The following NRXN1 variants were observed in gnomAD, a reference collection of about 807,000 sequenced individuals.
The protein encoded by NRXN1 is neurexin-1.
Under a neutral mutation model 150.9 loss-of-function variants are expected in NRXN1, and 39 were observed. That is an observed-to-expected ratio of 0.26 (90% CI 0.20 to 0.34). NRXN1 has a LOEUF of 0.34. Among genes scored for constraint, NRXN1 ranks in the 10% least tolerant of loss-of-function variants. The pLI is 1.00. For missense variants in NRXN1, 1,815 were observed against 1,949.9 expected, an observed-to-expected ratio of 0.93 and a Z score of 1.30; for synonymous variants, 924 against 757.0, an observed-to-expected ratio of 1.22 and a Z score of -3.62.
chr2:50,116,604 CTGAACATATACAGATG>C (rs1175826213), intron 18 of NRXN1, among the ~76,000 whole-genome samples: 1 of 152,024 alleles, frequency 6.6e-6, no homozygotes, highest in Admixed American at 6.6e-5. Flanking sequence ...ACAGGAAGAT[CTGAACATATACAGATG>C]TGGGGGTTCC....
intron 17 of NRXN1, among the ~76,000 whole-genome samples, chr2:50,375,589 A>G (rs1406381313): frequency 6.6e-6 from 1 of 150,450 alleles, no homozygotes; most frequent in Admixed American, 6.6e-5. Flanking sequence ...AGGAAACAGA[A>G]TAATCTTTTA....
chr2:50,829,403 C>G lies in NRXN1; in HGVS notation c.832+92466G>C, dbSNP rs1671064170. The G allele has an allele frequency of 4.6e-6, 6 of 1,309,498 alleles. No individual in the cohort carries two copies. In the East Asian group the frequency reaches 1.2e-4, roughly 26 times the overall value. The allele number at this position is 1,309,498 out of a possible 1,614,324, so 81.1% of individuals were successfully genotyped here. On this transcript the variant is annotated intron_variant, in intron 5 of 22. Transcript: ENST00000401669. ...TCGGGCTCCCAAAGTGCGGGGATTA[C>G]AGGCATGAGCCACTGTGCCCGGCTA...
chr2:50,005,858 A>G (rs780516683), intron 21 of NRXN1, among the ~76,000 whole-genome samples: 2 of 152,098 alleles, frequency 1.3e-5, no homozygotes, highest in Non-Finnish European at 2.9e-5. Context: ...TCTCCATCTG[A>G]CGATAACTTA....
At chr2:50,964,910 A>G (rs573648061) in intron 2 of NRXN1, among the ~76,000 whole-genome samples, 1 of 151,612 alleles carries the variant, frequency 6.6e-6, no homozygotes, top group Non-Finnish European at 1.5e-5. Flanking sequence ...AGTAGGCAAC[A>G]TACTCTGGAA....
intron 17 of NRXN1, among the ~76,000 whole-genome samples, chr2:50,265,640 G>C (rs951566682): frequency 1.3e-5 from 2 of 152,060 alleles, no homozygotes; most frequent in Non-Finnish European, 2.9e-5. Flanking sequence ...GAAACCAAAA[G>C]CAAGACATAG....
At chr2:50,597,134 C>T (rs1323310859) in intron 8 of NRXN1, among the ~76,000 whole-genome samples, 2 of 152,056 alleles carry the variant, frequency 1.3e-5, no homozygotes, top group African/African-American at 2.4e-5. Context: ...AACGAGTCAC[C>T]GTGCCCGGTG....
chr2:50,272,188 T>C (rs1389387744), intron 17 of NRXN1, among the ~76,000 whole-genome samples: 1 of 152,142 alleles, frequency 6.6e-6, no homozygotes, highest in Non-Finnish European at 1.5e-5. Flanking sequence ...GGAGAAAACG[T>C]AGAAAACAAG....
chr2:50,998,602 G>T (rs149430131), intron 2 of NRXN1, among the ~76,000 whole-genome samples: 1 of 152,122 alleles, frequency 6.6e-6, no homozygotes, highest in African/African-American at 2.4e-5. Context: ...TTTCATGAAG[G>T]TATGCATGTA....
chr2:50,483,921 C>G (rs780783871), intron 15 of NRXN1, among the ~76,000 whole-genome samples: 1 of 152,160 alleles, frequency 6.6e-6, no homozygotes, highest in Non-Finnish European at 1.5e-5. Flanking sequence ...CCCAAAATAA[C>G]TTTTCTTATT....
chr2:50,538,036 G>T (rs1009285039), intron 10 of NRXN1, among the ~76,000 whole-genome samples: 1 of 152,078 alleles, frequency 6.6e-6, no homozygotes, highest in Non-Finnish European at 1.5e-5. Flanking sequence ...TTCTATTCCT[G>T]CAATATACTT....
intron 5 of NRXN1, among the ~76,000 whole-genome samples, chr2:50,800,816 C>T (rs1261513202): frequency 5.3e-5 from 8 of 152,194 alleles, no homozygotes; most frequent in Admixed American, 2.6e-4. Context: ...TCACAAAGTG[C>T]TGGGATTACA....
intron 16 of NRXN1, among the ~76,000 whole-genome samples, chr2:50,471,236 T>C (rs1301262205): frequency 6.6e-6 from 1 of 151,748 alleles, no homozygotes; most frequent in East Asian, 1.9e-4. Flanking sequence ...AGGTGTTTTT[T>C]CATCATTCAA....
At chr2:50,526,279 T>C (rs951000924) in intron 12 of NRXN1, among the ~76,000 whole-genome samples, 14 of 152,226 alleles carry the variant, frequency 9.2e-5, no homozygotes, top group African/African-American at 2.7e-4. Flanking sequence ...TTTCTTGTGA[T>C]AATTTTCTTA....
intron 21 of NRXN1, among the ~76,000 whole-genome samples, chr2:50,006,055 T>C (rs1684707551): frequency 6.6e-6 from 1 of 152,144 alleles, no homozygotes; most frequent in South Asian, 2.1e-4. Flanking sequence ...CTACCATTGT[T>C]CTTATATAAC....
intron 5 of NRXN1, among the ~76,000 whole-genome samples, chr2:50,907,576 T>G (rs1683896023): frequency 6.6e-6 from 1 of 152,036 alleles, no homozygotes; most frequent in African/African-American, 2.4e-5. Context: ...GTAAGAACCC[T>G]GGACCCAATG....
intron 10 of NRXN1, among the ~76,000 whole-genome samples, chr2:50,536,565 C>T (rs111835418): frequency 3.9e-4 from 60 of 152,226 alleles, no homozygotes; most frequent in African/African-American, 1.3e-3. Context: ...AGAAAGCTTC[C>T]GTAATTCATG....
intron 5 of NRXN1, among the ~76,000 whole-genome samples, chr2:50,904,663 CCTTT>C (rs145120542): frequency 0.083 from 12,702 of 152,150 alleles, 581 homozygotes; most frequent in South Asian, 0.12. Flanking sequence ...AATGATCAGA[CCTTT>C]CTTTTTAAAA....
chr2:50,355,763 G>A (rs150982629), intron 17 of NRXN1, among the ~76,000 whole-genome samples: 1 of 152,188 alleles, frequency 6.6e-6, no homozygotes, highest in East Asian at 1.9e-4. Context: ...AAAGAGTGAG[G>A]ATATGTAACA....
At chr2:50,488,100 C>T (rs2091006120) in intron 15 of NRXN1, among the ~76,000 whole-genome samples, 1 of 152,182 alleles carries the variant, frequency 6.6e-6, no homozygotes, top group South Asian at 2.1e-4. Context: ...TATCCTCACC[C>T]CCTACTCCAG....
Sources: gnomAD v4.1 joint callset for allele counts (sites outside exome capture counted in the v4.1 genomes callset) on GRCh38, gnomAD v4.1.1 for gene constraint, MANE v1.5 for transcripts, NCBI Gene and HGNC (gene_info 2026-07-23, HGNC 2026-07-21) for gene names.